ROBO2: variants seen among roughly 807,000 people sequenced by gnomAD.
ROBO2 encodes roundabout homolog 2.
ROBO2 carries 53 observed loss-of-function variants against 160.8 expected under a neutral mutation model. The observed-to-expected ratio is 0.33, with a 90% CI of 0.26 to 0.41. The LOEUF is 0.41. ROBO2 is among the 10% of genes least tolerant of loss of function. The pLI, the probability that ROBO2 is intolerant of heterozygous loss-of-function variation, is 1.00. For missense variants in ROBO2, 1,577 were observed against 1,722.4 expected (o/e 0.92, Z 1.49); for synonymous variants, 664 against 611.7 (o/e 1.09, Z -1.26).
chr3:77,055,797 T>A (rs904549528), intron 1 of ROBO2, among the ~76,000 whole-genome samples: 1 of 152,204 alleles, frequency 6.6e-6, no homozygotes, highest in African/African-American at 2.4e-5. Flanking sequence ...CGAGATGATT[T>A]CTTACTTTTT....
chr3:76,246,305 G>A (rs1337906857), intron 2 of ROBO2, among the ~76,000 whole-genome samples: 2 of 152,046 alleles, frequency 1.3e-5, no homozygotes, highest in East Asian at 3.9e-4. Flanking sequence ...TCAAGTGCTA[G>A]GCAAGGCACA....
chr3:77,590,389 G>A (rs968982985), intron 17 of ROBO2, among the ~76,000 whole-genome samples: 1 of 152,134 alleles, frequency 6.6e-6, no homozygotes, highest in Non-Finnish European at 1.5e-5. Flanking sequence ...GTAACTGAGT[G>A]TCAGAGTCTG....
intron 2 of ROBO2, among the ~76,000 whole-genome samples, chr3:76,567,002 T>A (rs1433283541): frequency 6.6e-6 from 1 of 152,130 alleles, no homozygotes; most frequent in African/African-American, 2.4e-5. Context: ...TATTTATCCA[T>A]GGGAAAGAAA....
chr3:77,472,246 G>C (rs2083432724), intron 2 of ROBO2, among the ~76,000 whole-genome samples: 1 of 152,176 alleles, frequency 6.6e-6, no homozygotes, highest in South Asian at 2.1e-4. Flanking sequence ...CAAGGGGAGG[G>C]GATATACAAA....
At chr3:77,060,263 A>G (rs570743915) in intron 1 of ROBO2, among the ~76,000 whole-genome samples, 1 of 152,158 alleles carries the variant, frequency 6.6e-6, no homozygotes, top group African/African-American at 2.4e-5. Flanking sequence ...CAGGCTACCC[A>G]TTCCAGCTCA....
At chr3:76,536,276 G>A (rs1053397524) in intron 2 of ROBO2, among the ~76,000 whole-genome samples, 17 of 152,130 alleles carry the variant, frequency 1.1e-4, no homozygotes, top group Non-Finnish European at 2.5e-4. Context: ...CTCTATTGTT[G>A]AACACCTTGA....
At chr3:76,659,708 A>G (rs2091738318) in intron 2 of ROBO2, among the ~76,000 whole-genome samples, 1 of 152,214 alleles carries the variant, frequency 6.6e-6, no homozygotes, top group African/African-American at 2.4e-5. Context: ...GGCTGATGAA[A>G]CAAAGAGCTT....
intron 24 of ROBO2, 58 bp downstream of exon 25, chr3:77,635,101 AT>A (rs2095241548): frequency 6.4e-7 from 1 of 1,557,196 alleles, no homozygotes; most frequent in African/African-American, 1.4e-5. Context: ...CCATGCAATC[AT>A]TTACTTAGAT....
At chr3:76,557,201 A>G (rs1407705893) in intron 2 of ROBO2, among the ~76,000 whole-genome samples, 2 of 152,026 alleles carry the variant, frequency 1.3e-5, no homozygotes, top group Non-Finnish European at 2.9e-5. Flanking sequence ...CTGTCATTCC[A>G]TATATCTCAC....
At chr3:76,470,676 C>A (rs1388651643) in intron 2 of ROBO2, among the ~76,000 whole-genome samples, 1 of 152,062 alleles carries the variant, frequency 6.6e-6, no homozygotes, top group Non-Finnish European at 1.5e-5. Context: ...ACTATATTTT[C>A]TTTGGTTAAA....
At chr3:76,432,384 ATATT>A (rs1279778750) in intron 2 of ROBO2, among the ~76,000 whole-genome samples, 3 of 152,170 alleles carry the variant, frequency 2.0e-5, no homozygotes, top group Non-Finnish European at 4.4e-5. Flanking sequence ...AAAACAGCAA[ATATT>A]TATCTCACAC....
chr3:76,500,278 C>T (rs2080388347), intron 2 of ROBO2, among the ~76,000 whole-genome samples: 1 of 152,152 alleles, frequency 6.6e-6, no homozygotes, highest in African/African-American at 2.4e-5. Flanking sequence ...GCCACCATAC[C>T]TGGCTAATTT....
intron 2 of ROBO2, among the ~76,000 whole-genome samples, chr3:77,311,673 G>C (rs1333047964): frequency 6.6e-6 from 1 of 152,076 alleles, no homozygotes; most frequent in Non-Finnish European, 1.5e-5. Flanking sequence ...AACTTCTCAG[G>C]GTTCTTGTTG....
At chr3:76,776,683 A>G (rs2062285768) in intron 2 of ROBO2, among the ~76,000 whole-genome samples, 2 of 151,078 alleles carry the variant, frequency 1.3e-5, no homozygotes, top group South Asian at 4.2e-4. Context: ...TAACCAGAAG[A>G]CACCATACAA....
intron 2 of ROBO2, among the ~76,000 whole-genome samples, chr3:76,635,122 C>A (rs1259245750): frequency 1.3e-5 from 2 of 152,114 alleles, no homozygotes; most frequent in African/African-American, 4.8e-5. Flanking sequence ...ATACTAATAT[C>A]GGTGTTGTTA....
At chr3:76,133,373 A>G (rs1207038797) in intron 2 of ROBO2, among the ~76,000 whole-genome samples, 1 of 151,566 alleles carries the variant, frequency 6.6e-6, no homozygotes, top group African/African-American at 2.4e-5. Context: ...TTTTCTCTAG[A>G]AAAATAATAC....
chr3:76,029,115 G>A (rs922564694), intron 2 of ROBO2, among the ~76,000 whole-genome samples: 1 of 151,976 alleles, frequency 6.6e-6, no homozygotes, highest in Non-Finnish European at 1.5e-5. Flanking sequence ...AGTAGGGGAT[G>A]GGGATATTCT....
chr3:75,952,078 T>G (rs1948560012), intron 2 of ROBO2, among the ~76,000 whole-genome samples: 2 of 152,036 alleles, frequency 1.3e-5, no homozygotes, highest in Non-Finnish European at 2.9e-5. Flanking sequence ...ATGTCTTACA[T>G]TTTCAGAATG....
At position 76,308,021 on chromosome 3, in the gene ROBO2, C is replaced by T. The variant is rs141343549; in HGVS notation, c.109+370419C>T. Among the ~76,000 whole-genome samples, 339 of 152,160 alleles carry T rather than the reference C, an allele frequency of 2.2e-3. 1 individual carries two copies. Among genetic ancestry groups the T allele is most frequent in the Middle Eastern group, 0.017 (5 of 294 alleles). On this transcript the variant is annotated intron_variant, in intron 2 of 26. Coordinates refer to the ROBO2 transcript ENST00000487694. ...GTTTGAATTCAAAACAGCACTATGA[C>T]GTTGGATAGGTGACTTAAACTCTCT...
Sources: allele counts gnomAD v4.1 joint callset (sites outside exome capture counted in the v4.1 genomes callset), GRCh38; gene constraint gnomAD v4.1.1; transcripts MANE v1.5; gene names NCBI Gene and HGNC (gene_info 2026-07-23, HGNC 2026-07-21).